Variants in SH2D4B observed in about 807,000 individuals in gnomAD.
SH2D4B encodes SH2 domain containing 4B.
SH2D4B carries 45 observed loss-of-function variants against 61.5 expected under a neutral mutation model. The observed-to-expected ratio is 0.73, with a 90% CI of 0.58 to 0.94. SH2D4B has a LOEUF of 0.94. Ranked by LOEUF, SH2D4B falls within the 40% of genes least tolerant of loss-of-function variation. The pLI, the probability that SH2D4B is intolerant of heterozygous loss-of-function variation, is 0.00. For synonymous variants in SH2D4B, 224 were observed against 220.4 expected (o/e 1.02, Z -0.14); for missense variants, 572 against 574.2 (o/e 1.00, Z 0.04).
At chr10:80,561,450 T>C (rs981226098) in intron 1 of SH2D4B, among the ~76,000 whole-genome samples, 1 of 152,192 alleles carries the variant, frequency 6.6e-6, no homozygotes, top group Non-Finnish European at 1.5e-5. Context: ...AATGAACCAA[T>C]ATTCTCTAAA....
Position 80,538,530 on chromosome 10 carries a change from G to T in SH2D4B, c.184+15G>T. On this transcript the variant is annotated intron_variant, in intron 1 of 7. Coordinates refer to ENST00000646907, the MANE Select transcript of SH2D4B (RefSeq NM_001388272.1). This position sits in a 1 kb window ranked among gnomAD's most constrained non-coding sequence, Gnocchi z 4.8. ...GACCAAGCGAGGTACGTGGCTGGGA[G>T]TCACAGAGAGGTAGGCCACCAGTCC... 7.3e-7 allele frequency: 1 copy of T among 1,364,960 alleles called. No homozygotes were observed. The highest frequency in any genetic ancestry group is 9.5e-7 in the Non-Finnish European group (1 of 1,051,166). 84.6% of individuals were successfully genotyped at this position (1,364,960 alleles called of 1,614,324 possible).
Position 80,643,985 on chromosome 10 carries a change from T to C in SH2D4B, c.1210-8T>C. ...TATAAGTGGATTTTCCTTTTTTTTC[T>C]GTTTTAGGAGGAAATTATCACTGTT... On this transcript the variant is annotated splice_region_variant and splice_polypyrimidine_tract_variant and intron_variant, in intron 7 of 7. Transcript: ENST00000646907. 1 of 1,612,014 alleles carries C rather than the reference T, an allele frequency of 6.2e-7. No individual in the cohort carries two copies.
intron 1 of SH2D4B, among the ~76,000 whole-genome samples, chr10:80,541,830 C>T (rs1841583729): frequency 6.6e-6 from 1 of 152,102 alleles, no homozygotes; most frequent in Non-Finnish European, 1.5e-5. Context: ...CATTTGGAAC[C>T]CACAGAAGTA....
At chr10:80,559,305 C>T (rs1304624078) in intron 1 of SH2D4B, among the ~76,000 whole-genome samples, 1 of 152,014 alleles carries the variant, frequency 6.6e-6, no homozygotes, top group Non-Finnish European at 1.5e-5. Context: ...TAAAATTTCT[C>T]ATTATAAAAC....
intron 1 of SH2D4B, among the ~76,000 whole-genome samples, chr10:80,560,693 C>CTTTTT (rs58963330): frequency 4.6e-4 from 27 of 58,838 alleles, no homozygotes; most frequent in African/African-American, 1.7e-3. Flanking sequence ...CCTGGCCAAG[C>CTTTTT]TTTTTTTTTT....
At chr10:80,595,161 T>G (rs1433660230) in intron 4 of SH2D4B, among the ~76,000 whole-genome samples, 2 of 152,190 alleles carry the variant, frequency 1.3e-5, no homozygotes, top group Admixed American at 6.5e-5. Flanking sequence ...TTTTCTTAGG[T>G]CTCTTGGGCC....
chr10:80,577,986 T>TTC (rs1842145654), intron 3 of SH2D4B, among the ~76,000 whole-genome samples: 2 of 152,004 alleles, frequency 1.3e-5, no homozygotes, highest in South Asian at 4.2e-4. Context: ...CTTTTTTTTT[T>TTC]TCGAGACAGG....
In SH2D4B at chr10:80,543,630, C is replaced by T. The variant is rs187641747; in HGVS notation, c.184+5115C>T. Among the ~76,000 whole-genome samples the T allele has an allele frequency of 3.2e-3, 488 of 152,358 alleles. 1 individual carries two copies. Among genetic ancestry groups the T allele is most frequent in the African/African-American group, 0.01 (416 of 41,596 alleles). ...CGCGCGGGACTGGCAGGCAGCTCCA[C>T]CTGCAGCCCCAGTGCGGGATCCACT... is the stretch of plus-strand genomic sequence containing the variant. On this transcript the variant is annotated intron_variant, in intron 1 of 7. Coordinates refer to ENST00000646907, the MANE Select transcript of SH2D4B (RefSeq NM_001388272.1).
At chr10:80,594,720 T>C (rs11186203) in intron 4 of SH2D4B, among the ~76,000 whole-genome samples, 12,750 of 152,300 alleles carry the variant, frequency 0.084, 584 homozygotes, top group African/African-American at 0.12. Context: ...GGCCTTTGGT[T>C]AATTTCTAAC....
At chr10:80,610,965 G>C (rs1842590990) in intron 6 of SH2D4B, among the ~76,000 whole-genome samples, 1 of 152,030 alleles carries the variant, frequency 6.6e-6, no homozygotes, top group Admixed American at 6.6e-5. Context: ...GAGGTCAGGA[G>C]TTTGAAACCA....
chr10:80,610,951 A>G (rs1215365487), intron 6 of SH2D4B, among the ~76,000 whole-genome samples: 3 of 151,992 alleles, frequency 2.0e-5, no homozygotes, highest in Non-Finnish European at 4.4e-5. Flanking sequence ...CAGGAGGATC[A>G]CTTGAGGTCA....
chr10:80,604,830 A>G lies in SH2D4B; in HGVS notation c.860+1035A>G, dbSNP rs1398441850. The stretch of plus-strand genomic sequence containing the variant: ...TTTTTTTGAGACAGAGTCTTGCTCT[A>G]TTGTCCAGGCTGGAGTGCAGTGGCG... On this transcript the variant is annotated intron_variant, in intron 5 of 7. Transcript: ENST00000646907. Among the ~76,000 whole-genome samples, 7 of 144,882 alleles carry G rather than the reference A, an allele frequency of 4.8e-5. 1 individual carries two copies. In the South Asian group the frequency reaches 8.7e-4, roughly 18 times the overall value.
intron 1 of SH2D4B, among the ~76,000 whole-genome samples, chr10:80,556,693 T>C (rs1474597300): frequency 2.0e-5 from 3 of 152,230 alleles, no homozygotes; most frequent in Non-Finnish European, 4.4e-5. Flanking sequence ...ATTTAACTTT[T>C]AATTATTTGT....
intron 4 of SH2D4B, among the ~76,000 whole-genome samples, chr10:80,597,500 T>C (rs986200692): frequency 1.3e-5 from 2 of 152,036 alleles, no homozygotes; most frequent in African/African-American, 4.8e-5. Context: ...ACTCCATCTC[T>C]ACTAAAAATA....
At chr10:80,551,156 C>T (rs1841756681) in intron 1 of SH2D4B, among the ~76,000 whole-genome samples, 2 of 152,198 alleles carry the variant, frequency 1.3e-5, no homozygotes, top group African/African-American at 4.8e-5. Context: ...GGGCTCACGC[C>T]ATTCTCCTGC....
chr10:80,622,650 C>T (rs1295300470), intron 6 of SH2D4B, among the ~76,000 whole-genome samples: 2 of 152,196 alleles, frequency 1.3e-5, no homozygotes, highest in Non-Finnish European at 2.9e-5. Flanking sequence ...GGGCTCCTTG[C>T]ACTCACCCAG....
intron 5 of SH2D4B, among the ~76,000 whole-genome samples, chr10:80,607,851 G>T (rs1033187121): frequency 6.6e-6 from 1 of 152,202 alleles, no homozygotes; most frequent in East Asian, 1.9e-4. Context: ...TGGCGAAGAG[G>T]CTTTGGTTGT....
At chr10:80,622,283 C>A (rs1042293251) in intron 6 of SH2D4B, among the ~76,000 whole-genome samples, 2 of 152,180 alleles carry the variant, frequency 1.3e-5, no homozygotes, top group African/African-American at 4.8e-5. Context: ...CTTATGTATA[C>A]ATTGTGTATA....
At chr10:80,567,825 C>T (rs1012541020) in intron 1 of SH2D4B, among the ~76,000 whole-genome samples, 2 of 152,192 alleles carry the variant, frequency 1.3e-5, no homozygotes, top group Non-Finnish European at 2.9e-5. Context: ...ACCAGTGTAG[C>T]CTTTGAAACC....
Sources: gnomAD v4.1 joint callset for allele counts (sites outside exome capture counted in the v4.1 genomes callset) on GRCh38, gnomAD v4.1.1 for gene constraint, Gnocchi (gnomAD v3.1) non-coding constraint, MANE v1.5 for transcripts, NCBI Gene and HGNC (gene_info 2026-07-23, HGNC 2026-07-21) for gene names.